The following AGXT variants were observed in gnomAD, a reference collection of about 807,000 sequenced individuals.
AGXT encodes the protein L-alanine: glyoxylate aminotransferase 1.
In AGXT, 41 loss-of-function variants were observed where a neutral mutation model predicts 46.9. That is an observed-to-expected ratio of 0.88 (90% CI 0.68 to 1.14). The LOEUF is 1.14. Among genes scored for constraint, AGXT ranks in the 50% most tolerant of loss-of-function variants. The pLI is 0.00. For synonymous variants in AGXT, 244 were observed against 227.9 expected (o/e 1.07, Z -0.64); for missense variants, 525 against 522.7 (o/e 1.00, Z -0.04).
rs2058975630 is a variant in AGXT at position 240,868,968 on chromosome 2, C to T, written c.103C>T (p.Pro35Ser). The T allele has an allele frequency of 1.3e-6, 2 of 1,592,622 alleles. No homozygotes were observed. Among genetic ancestry groups the T allele is most frequent in the South Asian group, 1.1e-5 (1 of 90,270 alleles). The stretch of plus-strand genomic sequence containing the variant: ...GGGGCCTGGTCCTTCCAACCTGCCT[C>T]CTCGCATCATGGCAGCCGGGGGGCT... The part of the protein sequence containing the change: ...LLGPGPSNLP[P>S]RIMAAGGLQM... The change falls in exon 1 of 11, where the codon CCT (proline) becomes TCT (serine). Residue 35 changes from proline (P) to serine (S), a missense_variant. Pro to Ser is a moderately conservative substitution (Grantham distance 74, BLOSUM62 -1). Transcript: ENST00000307503.
At chr2:240,878,433 C>T (rs917615144) in intron 10 of AGXT, among the ~76,000 whole-genome samples, 2 of 152,360 alleles carry the variant, frequency 1.3e-5, no homozygotes, top group Admixed American at 1.3e-4. Flanking sequence ...GGAAGCCCCA[C>T]GCCTGGGCCT....
intron 9 of AGXT, 107 bp downstream of exon 9, chr2:240,877,739 G>T: frequency 1.5e-6 from 2 of 1,291,532 alleles, no homozygotes; most frequent in Non-Finnish European, 2.2e-6. Context: ...GGAGGGGGCG[G>T]CTGCCCGGTG....
chr2:240,869,972 A>T (rs745375198), intron 2 of AGXT, among the ~76,000 whole-genome samples: 1 of 152,138 alleles, frequency 6.6e-6, no homozygotes, highest in South Asian at 2.1e-4. Context: ...GAGGGTCCCA[A>T]CCCCAAGTCC....
chr2:240,876,087 C>A, intron 8 of AGXT, 83 bp downstream of exon 8: 1 of 1,481,564 alleles, frequency 6.7e-7, no homozygotes, highest in East Asian at 2.4e-5. Context: ...GGAACCATCC[C>A]TGGTGCACAG....
intron 10 of AGXT, 45 bp downstream of exon 10, chr2:240,878,195 C>T (rs973591671): frequency 3.1e-6 from 5 of 1,608,104 alleles, no homozygotes; most frequent in Non-Finnish European, 4.2e-6. Flanking sequence ...ACCAAACCCG[C>T]CACCCCTCCT....
At chr2:240,870,431 TC>T (rs1341012377) in intron 2 of AGXT, among the ~76,000 whole-genome samples, 1 of 152,046 alleles carries the variant, frequency 6.6e-6, no homozygotes, top group East Asian at 1.9e-4. Context: ...GAGCGTTGGC[TC>T]CAACAGCAGG....
intron 10 of AGXT, 77 bp downstream of exon 10, chr2:240,878,227 T>C: frequency 1.9e-6 from 3 of 1,586,884 alleles, no homozygotes; most frequent in Non-Finnish European, 2.6e-6. Context: ...GTGCACCAGG[T>C]GCAGGGGAGG....
In AGXT at chr2:240,875,986, G is replaced by A. The variant is rs1298903535; in HGVS notation, c.828G>A (p.Leu276=). The change falls in exon 8 of 11, where the codon CTG becomes CTA. Residue 276 remains leucine, a synonymous_variant. Coordinates refer to ENST00000307503, the MANE Select transcript of AGXT (RefSeq NM_000030.3). ...GCCTGTACAGCCTGAGAGAGAGCCT[G>A]GCCCTCATTGCGGAACAGGTGCATG... is the stretch of plus-strand genomic sequence containing the variant. The part of the protein sequence containing the change: ...VISLYSLRES[L]ALIAEQGLEN... 6.2e-7 allele frequency: 1 copy of A among 1,614,204 alleles called. No individual in the cohort carries two copies. Among genetic ancestry groups the A allele is most frequent in the Non-Finnish European group, 8.5e-7 (1 of 1,180,038 alleles).
At chr2:240,873,704 C>A (rs2059004235) in intron 5 of AGXT, among the ~76,000 whole-genome samples, 1 of 152,058 alleles carries the variant, frequency 6.6e-6, no homozygotes, top group Non-Finnish European at 1.5e-5. Flanking sequence ...GGGGAGGGCC[C>A]CAGGGACACG....
chr2:240,873,916 C>A, intron 5 of AGXT, 62 bp from the exon 6 acceptor site: 1 of 1,465,050 alleles, frequency 6.8e-7, no homozygotes, highest in African/African-American at 1.4e-5. Flanking sequence ...GGCAGGCATC[C>A]CGCTGGACTG....
At position 240,875,091 on chromosome 2, in the gene AGXT, C is replaced by G. The variant is rs376938355; in HGVS notation, c.681-18C>G. 6.3e-7 allele frequency: 1 copy of G among 1,583,894 alleles called. No individual in the cohort carries two copies. Among genetic ancestry groups the G allele is most frequent in the African/African-American group, 1.3e-5 (1 of 74,342 alleles). ...CCAAACTGAGAGGCTGGTGCTCAGCCTGCTTCTTTCTCCCCAGAAAGAAGA... is the reference window on the plus strand; with the variant it reads ...CCAAACTGAGAGGCTGGTGCTCAGCGTGCTTCTTTCTCCCCAGAAAGAAGA... On this transcript the variant is annotated intron_variant, in intron 6 of 10. Coordinates refer to ENST00000307503, the MANE Select transcript of AGXT (RefSeq NM_000030.3).
intron 7 of AGXT, among the ~76,000 whole-genome samples, chr2:240,875,673 C>T (rs150245910): frequency 6.0e-4 from 91 of 152,356 alleles, no homozygotes; most frequent in Non-Finnish European, 9.4e-4. Context: ...TGAGGGGCTC[C>T]GCAGGGAGGT....
intron 6 of AGXT, 84 bp downstream of exon 6, chr2:240,874,146 C>A: frequency 7.2e-7 from 1 of 1,394,162 alleles, no homozygotes; most frequent in South Asian, 1.2e-5. Flanking sequence ...GGGCGGGAGC[C>A]AGGCAGGAAG....
chr2:240,870,699 G>T lies in AGXT; in HGVS notation c.414G>T (p.Glu138Asp), dbSNP rs551537424. 26 of 1,555,828 alleles carry T rather than the reference G, an allele frequency of 1.7e-5. No homozygotes were observed. The highest frequency in any genetic ancestry group is 2.1e-5 in the Non-Finnish European group (24 of 1,149,590). ...KDPGGHYTLQEVEEGLAQHKP... is the reference protein window; with the variant it reads ...KDPGGHYTLQDVEEGLAQHKP... ...CTGGAGGCCACTACACACTGCAGGA[G>T]GTGGAGGAGGTAGGGGACCCGGGGT... is the stretch of plus-strand genomic sequence containing the variant. Residue 138 changes from glutamate (E) to aspartate (D), a missense_variant, in exon 3 of 11, where the codon GAG becomes GAT. Glu to Asp is a conservative substitution (Grantham distance 45). Transcript: ENST00000307503.
At position 240,878,803 on chromosome 2, in the gene AGXT, C is replaced by T; in HGVS notation, c.1161C>T (p.Cys387=). ...CCCTGAGGGCGGCCCTGCAGCACTGCCCCAAGAAGAAGCTGTGACCTGCCC... is the reference window on the plus strand; with the variant it reads ...CCCTGAGGGCGGCCCTGCAGCACTGTCCCAAGAAGAAGCTGTGACCTGCCC... ...TEALRAALQH[C]PKKKL Residue 387 remains cysteine, a synonymous_variant, in exon 11 of 11, where the codon TGC becomes TGT. Coordinates refer to ENST00000307503, the MANE Select transcript of AGXT (RefSeq NM_000030.3). The T allele has an allele frequency of 6.3e-7, 1 of 1,593,700 alleles. No individual in the cohort carries two copies. Among genetic ancestry groups the T allele is most frequent in the East Asian group, 2.3e-5 (1 of 44,186 alleles).
rs760482250 is a variant in AGXT, at chr2:240,874,005, A to G, written c.623A>G (p.Gln208Arg). Residue 208 changes from glutamine (Q) to arginine (R), a missense_variant, in exon 6 of 11, where the codon CAG (glutamine) becomes CGG (arginine). Physicochemically the swap from Gln to Arg is conservative, Grantham distance 43 (BLOSUM62 1). Coordinates refer to ENST00000307503, the MANE Select transcript of AGXT (RefSeq NM_000030.3). The stretch of plus-strand genomic sequence containing the variant: ...ATCGACATCCTGTACTCGGGCTCCC[A>G]GAAGGCCCTGAACGCCCCTCCAGGG... ...QGIDILYSGS[Q>R]KALNAPPGTS... The G allele has an allele frequency of 6.2e-7, 1 of 1,613,724 alleles. No individual in the cohort carries two copies. Among genetic ancestry groups the G allele is most frequent in the South Asian group, 1.1e-5 (1 of 91,090 alleles).
chr2:240,872,522 C>T (rs909729640), intron 4 of AGXT, among the ~76,000 whole-genome samples: 2 of 151,416 alleles, frequency 1.3e-5, no homozygotes, highest in African/African-American at 4.9e-5. Flanking sequence ...GCTGCTTGGG[C>T]TGTTCTGGGA....
chr2:240,875,861 G>C, intron 7 of AGXT, 74 bp from the exon 8 acceptor site: 2 of 1,492,076 alleles, frequency 1.3e-6, no homozygotes, highest in Non-Finnish European at 1.9e-6. Flanking sequence ...TGGGGCTGGG[G>C]CAGACAGAGC....
At chr2:240,877,182 C>T in intron 8 of AGXT, 1 of 466,520 alleles carries the variant, frequency 2.1e-6, no homozygotes, top group East Asian at 5.2e-5. Context: ...GCCTGGGAGC[C>T]AGCACCCTGA....
Sources: allele counts gnomAD v4.1 joint callset (sites outside exome capture counted in the v4.1 genomes callset), GRCh38; gene constraint gnomAD v4.1.1; transcripts MANE v1.5; gene names NCBI Gene and HGNC (gene_info 2026-07-23, HGNC 2026-07-21).